SCLT1: variants seen among roughly 807,000 people sequenced by gnomAD.
SCLT1 encodes the protein sodium channel-associated protein 1.
Under a neutral mutation model 112.8 loss-of-function variants are expected in SCLT1, and 78 were observed. The observed-to-expected ratio is 0.69, with a 90% CI of 0.58 to 0.83. The LOEUF (loss-of-function observed/expected upper bound fraction) is 0.83, where lower values mean the gene tolerates loss of function less well. Ranked by LOEUF, SCLT1 falls within the 40% of genes least tolerant of loss-of-function variation. The pLI, the probability that SCLT1 is intolerant of heterozygous loss-of-function variation, is 0.00. For missense variants in SCLT1, 747 were observed against 770.4 expected, an observed-to-expected ratio of 0.97 and a Z score of 0.36; for synonymous variants, 257 against 254.7, an observed-to-expected ratio of 1.01 and a Z score of -0.09.
At chr4:128,978,620 G>A (rs907064322) in intron 9 of SCLT1, among the ~76,000 whole-genome samples, 1 of 151,998 alleles carries the variant, frequency 6.6e-6, no homozygotes, top group Non-Finnish European at 1.5e-5. Context: ...TAATTCTTGA[G>A]GAGAAGAATA....
At chr4:129,008,258 A>G (rs2126098118) in intron 5 of SCLT1, among the ~76,000 whole-genome samples, 1 of 152,246 alleles carries the variant, frequency 6.6e-6, no homozygotes, top group East Asian at 1.9e-4. Flanking sequence ...AAATGTACTT[A>G]TTTAACCCTC....
intron 11 of SCLT1, among the ~76,000 whole-genome samples, chr4:128,962,776 C>T (rs1161171047): frequency 6.6e-6 from 1 of 152,106 alleles, no homozygotes; most frequent in Non-Finnish European, 1.5e-5. Flanking sequence ...ACTGCAATAG[C>T]CTGAATAAAA....
At chr4:129,064,408 T>C (rs1750284819) in intron 2 of SCLT1, among the ~76,000 whole-genome samples, 1 of 152,192 alleles carries the variant, frequency 6.6e-6, no homozygotes, top group Non-Finnish European at 1.5e-5. Context: ...AGCTCTAGAT[T>C]CTGAAGAGTA....
At chr4:129,045,465 G>T (rs1455111998) in intron 2 of SCLT1, among the ~76,000 whole-genome samples, 4 of 152,120 alleles carry the variant, frequency 2.6e-5, no homozygotes, top group African/African-American at 9.7e-5. Flanking sequence ...CAAGATGTAA[G>T]AGGTTTTTCA....
chr4:129,032,739 T>C (rs1234493734), intron 5 of SCLT1, among the ~76,000 whole-genome samples: 2 of 151,516 alleles, frequency 1.3e-5, no homozygotes, highest in African/African-American at 2.4e-5. Context: ...AAAAAGCTCA[T>C]GATCACTGGT....
At chr4:129,092,110 C>G (rs1014364463) in intron 1 of SCLT1, among the ~76,000 whole-genome samples, 1 of 152,126 alleles carries the variant, frequency 6.6e-6, no homozygotes, top group Non-Finnish European at 1.5e-5. Flanking sequence ...AAAATCAGAC[C>G]GGGCCTTCTA....
At chr4:128,974,546 T>C (rs1299333755) in intron 9 of SCLT1, among the ~76,000 whole-genome samples, 1 of 152,144 alleles carries the variant, frequency 6.6e-6, no homozygotes, top group Non-Finnish European at 1.5e-5. Flanking sequence ...GTGCCTATCC[T>C]GAATGTGTTC....
chr4:129,075,315 A>C (rs1249972197), intron 2 of SCLT1, among the ~76,000 whole-genome samples: 1 of 152,168 alleles, frequency 6.6e-6, no homozygotes, highest in Non-Finnish European at 1.5e-5. Context: ...ACTGCAGGAA[A>C]TCTCTTAATC....
chr4:129,006,537 C>A (rs78152947), intron 5 of SCLT1, among the ~76,000 whole-genome samples: 204 of 133,442 alleles, frequency 1.5e-3, no homozygotes, highest in African/African-American at 3.6e-3. Flanking sequence ...GACTCTGTCT[C>A]AAAAAAAAAA....
At chr4:128,951,764 G>C (rs1465311314) in intron 14 of SCLT1, among the ~76,000 whole-genome samples, 1 of 152,192 alleles carries the variant, frequency 6.6e-6, no homozygotes, top group South Asian at 2.1e-4. Context: ...TGGCCACATT[G>C]CATCTCACTA....
rs74523154 is a variant in SCLT1, at chr4:128,961,944, G to A, written c.870-2167C>T. 2.8e-3 allele frequency among the ~76,000 whole-genome samples: 432 copies of A among 152,290 alleles called. 2 individuals are homozygous for A. The highest frequency in any genetic ancestry group is 0.014 in the East Asian group (70 of 5,180). Reference sequence around the variant, plus strand: ...GAAATAGTTTTATTTGTTGGCTATCGTTGTTAAGAGGCAGGATTTTTTTCT... The same window carrying A: ...GAAATAGTTTTATTTGTTGGCTATCATTGTTAAGAGGCAGGATTTTTTTCT... On this transcript the variant is annotated intron_variant, in intron 11 of 20. Transcript: ENST00000281142.
At chr4:128,989,108 T>C (rs552469729) in intron 9 of SCLT1, among the ~76,000 whole-genome samples, 1 of 151,970 alleles carries the variant, frequency 6.6e-6, no homozygotes, top group South Asian at 2.1e-4. Flanking sequence ...CAGATTAAAT[T>C]TGTACTATAG....
intron 7 of SCLT1, 26 bp downstream of exon 7, chr4:128,999,646 A>C (rs771306188): frequency 1.0e-5 from 16 of 1,586,692 alleles, no homozygotes; most frequent in Non-Finnish European, 1.4e-5. Flanking sequence ...ATTGATATAC[A>C]AGAAAATGAT....
intron 13 of SCLT1, among the ~76,000 whole-genome samples, chr4:128,955,116 G>C (rs1300949179): frequency 3.3e-5 from 5 of 152,144 alleles, no homozygotes; most frequent in African/African-American, 1.2e-4. Context: ...AAACTTCTAA[G>C]CTCCAAAGGT....
chr4:129,052,324 G>A (rs1686311178), intron 2 of SCLT1, among the ~76,000 whole-genome samples: 1 of 152,042 alleles, frequency 6.6e-6, no homozygotes, highest in Non-Finnish European at 1.5e-5. Context: ...TGTACCTCTG[G>A]TAGAATCCGG....
chr4:129,087,078 C>T (rs72685351), intron 1 of SCLT1, among the ~76,000 whole-genome samples: 30,185 of 151,806 alleles, frequency 0.2, 3,627 homozygotes, highest in East Asian at 0.31. Flanking sequence ...GGCCATGACA[C>T]GGGGGGAGGA....
intron 5 of SCLT1, among the ~76,000 whole-genome samples, chr4:129,009,549 T>C (rs1162276933): frequency 6.6e-6 from 1 of 151,934 alleles, no homozygotes; most frequent in Non-Finnish European, 1.5e-5. Flanking sequence ...TCCAAACTGC[T>C]TTCCACTAGT....
At chr4:129,046,710 T>C (rs1748216643) in intron 2 of SCLT1, among the ~76,000 whole-genome samples, 1 of 152,130 alleles carries the variant, frequency 6.6e-6, no homozygotes, top group Admixed American at 6.6e-5. Context: ...TGATGACTCA[T>C]AAGGTCTGTA....
At position 128,968,199 on chromosome 4, in the gene SCLT1, TAC is replaced by T. The variant is rs202098403; in HGVS notation, c.777+2177_777+2178del. Among the ~76,000 whole-genome samples the T allele has an allele frequency of 1.6e-3, 248 of 152,314 alleles. 2 individuals carry two copies. Among genetic ancestry groups the T allele is most frequent in the East Asian group, 0.014 (71 of 5,184 alleles). On this transcript the variant is annotated intron_variant, in intron 10 of 20. Transcript: ENST00000281142. ...TCCCCCTCCCTTTGGCAGTTCCAAT[TAC>T]ACTTATGTTGCATTGCTTCACATTG...
Sources: allele counts gnomAD v4.1 joint callset (sites outside exome capture counted in the v4.1 genomes callset), GRCh38; gene constraint gnomAD v4.1.1; transcripts MANE v1.5; gene names NCBI Gene and HGNC (gene_info 2026-07-23, HGNC 2026-07-21).